The following MGAM2 variants were observed in gnomAD, a reference collection of about 807,000 sequenced individuals.
MGAM2 encodes the protein maltase-glucoamylase 2 (putative), also known as probable maltase-glucoamylase 2.
MGAM2 carries 98 observed loss-of-function variants against 96.1 expected under a neutral mutation model. The ratio of observed to expected loss-of-function variants is 1.02; its 90% confidence interval spans 0.87 to 1.21. The LOEUF is 1.21. Among genes scored for constraint, MGAM2 ranks in the 50% most tolerant of loss-of-function variants. The pLI, the probability that MGAM2 is intolerant of heterozygous loss-of-function variation, is 0.00. For synonymous variants in MGAM2, 749 were observed against 414.8 expected (o/e 1.81, Z -9.79); for missense variants, 2,055 against 1,182.4 (o/e 1.74, Z -10.82).
At chr7:142,134,655 C>A (rs975963298) in intron 7 of MGAM2, among the ~76,000 whole-genome samples, 5 of 151,986 alleles carry the variant, frequency 3.3e-5, no homozygotes, top group Non-Finnish European at 7.4e-5. Context: ...AGCCCAGACC[C>A]ACTGGATCCA....
At chr7:142,173,581 C>T (rs1351089417) in intron 31 of MGAM2, among the ~76,000 whole-genome samples, 5 of 152,060 alleles carry the variant, frequency 3.3e-5, no homozygotes, top group East Asian at 1.9e-4. Context: ...AAGTAATCAA[C>T]GTTAATAATT....
At chr7:142,205,545 A>G (rs973362824) in intron 45 of MGAM2, among the ~76,000 whole-genome samples, 11 of 152,074 alleles carry the variant, frequency 7.2e-5, no homozygotes, top group Non-Finnish European at 1.3e-4. Flanking sequence ...TGATTAATTT[A>G]TATTTCTCTG....
intron 35 of MGAM2, 105 bp downstream of exon 35, chr7:142,186,228 A>G: frequency 1.6e-6 from 1 of 629,828 alleles, no homozygotes; most frequent in Non-Finnish European, 2.8e-6. Flanking sequence ...TGAAGAGATG[A>G]AAGGGAGAAT....
chr7:142,150,195 C>T (rs1795531701), intron 15 of MGAM2, among the ~76,000 whole-genome samples: 1 of 152,012 alleles, frequency 6.6e-6, no homozygotes, highest in South Asian at 2.1e-4. Context: ...CCCACCTCGG[C>T]TTCCCAAAGT....
intron 37 of MGAM2, among the ~76,000 whole-genome samples, chr7:142,195,604 A>ATT: frequency 6.7e-6 from 1 of 149,812 alleles, no homozygotes; most frequent in Non-Finnish European, 1.5e-5. Context: ...TGATCCACCC[A>ATT]CCTTGACCTC....
intron 32 of MGAM2, among the ~76,000 whole-genome samples, chr7:142,182,519 G>T (rs1464592780): frequency 1.3e-5 from 2 of 152,204 alleles, no homozygotes; most frequent in African/African-American, 4.8e-5. Context: ...GTCGTGTTTT[G>T]CTGCAGATGC....
chr7:142,176,092 T>C (rs1296912371), intron 32 of MGAM2, among the ~76,000 whole-genome samples: 3 of 93,042 alleles, frequency 3.2e-5, no homozygotes, highest in African/African-American at 1.3e-4. Flanking sequence ...GCACTGAAGA[T>C]AGCAAAAAAA....
At chr7:142,170,596 G>A (rs1796156422) in intron 27 of MGAM2, among the ~76,000 whole-genome samples, 1 of 152,078 alleles carries the variant, frequency 6.6e-6, no homozygotes, top group African/African-American at 2.4e-5. Context: ...GAGGGGCAAA[G>A]GTTAAAAAGG....
intron 14 of MGAM2, among the ~76,000 whole-genome samples, chr7:142,145,565 A>G (rs529984377): frequency 4.6e-5 from 7 of 152,288 alleles, no homozygotes; most frequent in South Asian, 2.1e-4. Flanking sequence ...CAGTGGCAGT[A>G]TAGAATACAC....
In MGAM2 at chr7:142,116,950, T is replaced by C. The variant is rs1238411175; in HGVS notation, c.77T>C (p.Leu26Ser). ...ATTGTGGTGACCATAGATATCCTCT[T>C]GCTGCTTCTTGTGTTGGAGGAAACT... ...CLIVVTIDIL[L>S]LLLVLEETSD... The change falls in exon 2 of 48, where the codon TTG becomes TCG. Residue 26 changes from leucine (L) to serine (S), a missense_variant. Transcript: ENST00000477922. 4 of 703,198 alleles carry C rather than the reference T, an allele frequency of 5.7e-6. No homozygotes were observed. Among genetic ancestry groups the C allele is most frequent in the African/African-American group, 1.7e-5 (1 of 57,266 alleles). 43.6% of individuals were successfully genotyped at this position (703,198 alleles called of 1,614,324 possible). A position where few individuals can be genotyped will look rare whatever the true frequency, so the allele number is the denominator to read the frequency against.
Position 142,198,627 on chromosome 7 carries a change from A to G in MGAM2, c.4936A>G (p.Thr1646Ala), listed in dbSNP as rs1341127873. 1.4e-6 allele frequency: 1 copy of G among 703,082 alleles called. No homozygotes were observed. The highest frequency in any genetic ancestry group is 2.0e-5 in the Admixed American group (1 of 50,006). The allele number at this position is 703,082 out of a possible 1,614,324, so 43.6% of individuals were successfully genotyped here. ...WYDYSTGTSS[T>A]STGQRKILKA... ...TTCTCCTTTCTAGGGAACTAGCAGCACATCAACAGGTCAGAGGAAAATCCT... is the reference window on the plus strand; with the variant it reads ...TTCTCCTTTCTAGGGAACTAGCAGCGCATCAACAGGTCAGAGGAAAATCCT... Residue 1646 changes from threonine to alanine, a missense_variant, in exon 44 of 48, where the codon ACA becomes GCA. Transcript: ENST00000477922.
chr7:142,141,443 A>G lies in MGAM2; in HGVS notation c.1317+324A>G, dbSNP rs148284743. Among the ~76,000 whole-genome samples the G allele has an allele frequency of 2.6e-3, 395 of 152,196 alleles. 9 individuals carry two copies. In the South Asian group the frequency reaches 0.059, roughly 23 times the overall value. Reference sequence around the variant, plus strand: ...AATTCAACTACAAAAATATAGCAAGATGCTCATAGATTAATGTGGAACTGA... The same window carrying G: ...AATTCAACTACAAAAATATAGCAAGGTGCTCATAGATTAATGTGGAACTGA... On this transcript the variant is annotated intron_variant, in intron 12 of 47. Transcript: ENST00000477922.
intron 3 of MGAM2, among the ~76,000 whole-genome samples, chr7:142,130,095 A>G (rs1794844027): frequency 6.6e-6 from 1 of 152,124 alleles, no homozygotes; most frequent in South Asian, 2.1e-4. Context: ...AAATTATAAG[A>G]CCTTTACAAA....
intron 15 of MGAM2, among the ~76,000 whole-genome samples, chr7:142,151,324 C>G (rs1471419967): frequency 1.3e-5 from 2 of 152,122 alleles, no homozygotes; most frequent in Non-Finnish European, 2.9e-5. Flanking sequence ...CTTTGCATTA[C>G]ATTAGATTAT....
chr7:142,173,573 G>T (rs1411786310), intron 31 of MGAM2, among the ~76,000 whole-genome samples: 1 of 152,058 alleles, frequency 6.6e-6, no homozygotes, highest in East Asian at 1.9e-4. Flanking sequence ...CCTTACCAAA[G>T]TAATCAACGT....
intron 17 of MGAM2, among the ~76,000 whole-genome samples, chr7:142,155,364 A>G (rs1202891233): frequency 6.6e-6 from 1 of 152,174 alleles, no homozygotes; most frequent in Non-Finnish European, 1.5e-5. Context: ...AGTATTTTCG[A>G]TGGGCAAGTA....
intron 12 of MGAM2, among the ~76,000 whole-genome samples, chr7:142,142,866 C>A (rs1795275087): frequency 6.6e-6 from 1 of 152,062 alleles, no homozygotes; most frequent in South Asian, 2.1e-4. Flanking sequence ...GTTTTAAATG[C>A]ACTTAGTTGA....
At chr7:142,121,811 G>A (rs1450362469) in intron 3 of MGAM2, among the ~76,000 whole-genome samples, 1 of 151,384 alleles carries the variant, frequency 6.6e-6, no homozygotes, top group Non-Finnish European at 1.5e-5. Context: ...TTATATTATA[G>A]GAAAATAAGG....
chr7:142,143,924 T>A (rs1242815201), intron 13 of MGAM2, 42 bp downstream of exon 13: 2 of 699,442 alleles, frequency 2.9e-6, no homozygotes, highest in East Asian at 2.7e-5. Context: ...TGGAAACAGA[T>A]AACGCCAAAT....
Sources: allele counts gnomAD v4.1 joint callset (sites outside exome capture counted in the v4.1 genomes callset), GRCh38; gene constraint gnomAD v4.1.1; transcripts MANE v1.5; gene names NCBI Gene and HGNC (gene_info 2026-07-23, HGNC 2026-07-21).